The following MERTK variants were observed in gnomAD, a reference collection of about 807,000 sequenced individuals.
The protein encoded by MERTK is tyrosine-protein kinase Mer.
In MERTK, 69 loss-of-function variants were observed where a neutral mutation model predicts 99.3. The observed-to-expected ratio is 0.70, with a 90% CI of 0.57 to 0.85. The LOEUF (loss-of-function observed/expected upper bound fraction) is 0.85, where lower values mean the gene tolerates loss of function less well. Among genes scored for constraint, MERTK ranks in the 40% least tolerant of loss-of-function variants. The pLI is 0.00. For missense variants in MERTK, 1,125 were observed against 1,249.4 expected (o/e 0.90, Z 1.50); for synonymous variants, 426 against 467.6 (o/e 0.91, Z 1.15).
Position 112,006,736 on chromosome 2 carries a change from A to T in MERTK, c.1868-1647A>T, listed in dbSNP as rs1462886488. Among the ~76,000 whole-genome samples the T allele has an allele frequency of 2.0e-5, 3 of 152,190 alleles. No individual in the cohort carries two copies. The East Asian group carries it at 5.8e-4, about 29-fold the overall frequency. On this transcript the variant is annotated intron_variant, in intron 13 of 18. Transcript: ENST00000295408. ...TCAGCTACATTTACCTGCAGGTTGGACCCCTGGGGAATAGTCTGCAGGCAG... is the reference window on the plus strand; with the variant it reads ...TCAGCTACATTTACCTGCAGGTTGGTCCCCTGGGGAATAGTCTGCAGGCAG...
Position 111,917,855 on chromosome 2 carries a change from A to G in MERTK, c.62-11265A>G, listed in dbSNP as rs181636073. The stretch of plus-strand genomic sequence containing the variant: ...AGTCGAGATCGTGCGACTACACTCC[A>G]GCCTGGTGACAGAGTGAGACTCTGT... On this transcript the variant is annotated intron_variant, in intron 1 of 18. Coordinates refer to ENST00000295408, the MANE Select transcript of MERTK (RefSeq NM_006343.3). 3.3e-5 allele frequency among the ~76,000 whole-genome samples: 5 copies of G among 151,138 alleles called. No individual in the cohort carries two copies. The East Asian group carries it at 9.7e-4, about 29-fold the overall frequency.
Position 112,028,569 on chromosome 2 carries a change from T to G in MERTK, c.2705T>G (p.Ile902Arg), listed in dbSNP as rs757419828. 2.5e-6 allele frequency: 4 copies of G among 1,614,178 alleles called. 1 individual carries two copies. The South Asian group carries it at 4.4e-5, about 18-fold the overall frequency. ...PLDLNIDPDS[I>R]IASCTPRAAI... Reference sequence around the variant, plus strand: ...GACTTGAACATCGACCCTGACTCTATAATTGCCTCCTGCACTCCCCGCGCT... The same window carrying G: ...GACTTGAACATCGACCCTGACTCTAGAATTGCCTCCTGCACTCCCCGCGCT... Residue 902 changes from isoleucine to arginine, a missense_variant, in exon 19 of 19, where the codon ATA (isoleucine) becomes AGA (arginine). Transcript: ENST00000295408.
chr2:111,937,886 A>AT (rs1448100335), intron 2 of MERTK, among the ~76,000 whole-genome samples: 1 of 151,722 alleles, frequency 6.6e-6, no homozygotes, highest in African/African-American at 2.4e-5. Flanking sequence ...TCTTAAAATT[A>AT]TTTTTTTCAT....
intron 8 of MERTK, among the ~76,000 whole-genome samples, chr2:111,984,852 C>T (rs978327106): frequency 6.6e-6 from 1 of 152,186 alleles, no homozygotes; most frequent in Non-Finnish European, 1.5e-5. Context: ...AGGCTCCTGC[C>T]AGCTACAGAG....
intron 8 of MERTK, among the ~76,000 whole-genome samples, chr2:111,984,710 T>G (rs188230806): frequency 9.0e-4 from 137 of 152,266 alleles, no homozygotes; most frequent in Non-Finnish European, 1.6e-3. Context: ...CCTAGATGAT[T>G]CTTCTTTCAT....
At chr2:111,952,681 ATC>A (rs1685080228) in intron 4 of MERTK, 1 of 152,160 alleles carries the variant, frequency 6.6e-6, no homozygotes, top group Admixed American at 6.6e-5. Flanking sequence ...CTCCACACTA[ATC>A]TTCCCTGTTA....
intron 4 of MERTK, among the ~76,000 whole-genome samples, chr2:111,964,139 G>T (rs1286699842): frequency 3.4e-5 from 5 of 148,730 alleles, no homozygotes; most frequent in South Asian, 2.1e-4. Flanking sequence ...CCTCTTTGAG[G>T]GCAGAATATC....
At chr2:111,940,156 G>T in intron 2 of MERTK, 1 of 162,108 alleles carries the variant, frequency 6.2e-6, no homozygotes, top group East Asian at 1.8e-4. Flanking sequence ...AAAAGTAATG[G>T]TGGTAAACCT....
chr2:111,967,722 G>A (rs1437147566), intron 5 of MERTK, among the ~76,000 whole-genome samples: 3 of 152,272 alleles, frequency 2.0e-5, no homozygotes, highest in African/African-American at 4.8e-5. Context: ...CTTGGTTAAC[G>A]TGGGTCTCCT....
intron 1 of MERTK, among the ~76,000 whole-genome samples, chr2:111,908,620 A>G (rs1011923066): frequency 3.3e-5 from 5 of 152,234 alleles, no homozygotes; most frequent in Non-Finnish European, 7.3e-5. Flanking sequence ...TTGATTGCAT[A>G]TAACAGAAAA....
intron 15 of MERTK, among the ~76,000 whole-genome samples, chr2:112,018,785 T>C (rs953448892): frequency 1.3e-5 from 2 of 152,180 alleles, no homozygotes; most frequent in African/African-American, 4.8e-5. Context: ...GAGAAAACAC[T>C]AGACTGTTGA....
At chr2:111,964,129 C>A (rs1253413394) in intron 4 of MERTK, among the ~76,000 whole-genome samples, 1 of 143,586 alleles carries the variant, frequency 7.0e-6, no homozygotes, top group East Asian at 2.0e-4. Context: ...TTATGCTCCA[C>A]CTCTTTGAGG....
intron 13 of MERTK, among the ~76,000 whole-genome samples, chr2:112,005,567 A>G (rs759037755): frequency 6.6e-6 from 1 of 152,176 alleles, no homozygotes; most frequent in Non-Finnish European, 1.5e-5. Flanking sequence ...ACACAGCTGT[A>G]TAAGTTTGAT....
chr2:112,024,069 A>G (rs1267943056), intron 18 of MERTK, among the ~76,000 whole-genome samples: 2 of 152,220 alleles, frequency 1.3e-5, no homozygotes, highest in Non-Finnish European at 2.9e-5. Flanking sequence ...GTATAACATT[A>G]AGAAGAGAAA....
At chr2:111,973,991 C>T (rs201341105) in intron 6 of MERTK, among the ~76,000 whole-genome samples, 1 of 84,728 alleles carries the variant, frequency 1.2e-5, no homozygotes, top group South Asian at 4.0e-4. Flanking sequence ...ATCTCCTCAT[C>T]AAAAAAAAAA....
chr2:111,932,275 A>G (rs944731933), intron 2 of MERTK, among the ~76,000 whole-genome samples: 1 of 152,086 alleles, frequency 6.6e-6, no homozygotes, highest in Non-Finnish European at 1.5e-5. Flanking sequence ...TCTGCCTCCC[A>G]GGTTCATGCC....
intron 8 of MERTK, among the ~76,000 whole-genome samples, chr2:111,991,021 G>A (rs923635841): frequency 3.3e-5 from 5 of 152,158 alleles, no homozygotes; most frequent in Non-Finnish European, 7.3e-5. Context: ...CAGGCCGTGA[G>A]GCTTGTCCTT....
chr2:112,004,837 A>G lies in MERTK; in HGVS notation c.1867+853A>G, dbSNP rs139286360. 3.1e-3 allele frequency among the ~76,000 whole-genome samples: 473 copies of G among 151,156 alleles called. 3 individuals carry two copies. Among genetic ancestry groups the G allele is most frequent in the African/African-American group, 0.011 (449 of 41,166 alleles). On this transcript the variant is annotated intron_variant, in intron 13 of 18. Transcript: ENST00000295408. ...GAATCACTTGAACTCGGGAGGCGGAAGTTGCATTGAGCCGAGATCACACCA... is the reference window on the plus strand; with the variant it reads ...GAATCACTTGAACTCGGGAGGCGGAGGTTGCATTGAGCCGAGATCACACCA...
At chr2:111,952,813 A>T (rs1685081908) in intron 4 of MERTK, 1 of 152,246 alleles carries the variant, frequency 6.6e-6, no homozygotes, top group South Asian at 2.1e-4. Context: ...ATACATTCTA[A>T]TCTCCCTCCA....
Sources: gnomAD v4.1 joint callset for allele counts (sites outside exome capture counted in the v4.1 genomes callset) on GRCh38, gnomAD v4.1.1 for gene constraint, MANE v1.5 for transcripts, NCBI Gene and HGNC (gene_info 2026-07-23, HGNC 2026-07-21) for gene names.